Variants in AADACL2 observed in about 807,000 individuals in gnomAD.
AADACL2 encodes the protein arylacetamide deacetylase like 2.
In AADACL2, 23 loss-of-function variants were observed where a neutral mutation model predicts 22.3. That is an observed-to-expected ratio of 1.03 (90% CI 0.74 to 1.46). AADACL2 has a LOEUF of 1.46. AADACL2 is among the 40% of genes most tolerant of loss of function. AADACL2 has a pLI of 0.00. For synonymous variants in AADACL2, 177 were observed against 166.2 expected (o/e 1.07, Z -0.50); for missense variants, 472 against 482.9 (o/e 0.98, Z 0.21).
In AADACL2 at chr3:151,757,452, G is replaced by A. The variant is rs781199262; in HGVS notation, c.1064G>A (p.Arg355Gln). ...DDGLMYVTRL[R>Q]NVGVQVVHEH... ...GGACTTATGTATGTTACAAGACTTC[G>A]AAATGTTGGAGTCCAAGTTGTTCAT... The change falls in exon 5 of 5, where the codon CGA becomes CAA. Residue 355 changes from arginine (R) to glutamine (Q), a missense_variant. Coordinates refer to ENST00000356517, the MANE Select transcript of AADACL2 (RefSeq NM_207365.4). 34 of 1,613,470 alleles carry A rather than the reference G, an allele frequency of 2.1e-5. No individual in the cohort carries two copies. Among genetic ancestry groups the A allele is most frequent in the Non-Finnish European group, 2.6e-5 (31 of 1,179,654 alleles).
At position 151,740,694 on chromosome 3, in the gene AADACL2, T is replaced by G. The variant is rs1273957911; in HGVS notation, c.187T>G (p.Ser63Ala). The change falls in exon 2 of 5, where the codon TCC becomes GCC. Residue 63 changes from serine to alanine, a missense_variant. Coordinates refer to ENST00000356517, the MANE Select transcript of AADACL2 (RefSeq NM_207365.4). ...MRIMRYEEFI[S>A]MIFRLDYTQP... Reference sequence around the variant, plus strand: ...TATTATGAGATATGAAGAGTTTATATCCATGATATTCAGGCTGGATTATAC... The same window carrying G: ...TATTATGAGATATGAAGAGTTTATAGCCATGATATTCAGGCTGGATTATAC... The G allele has an allele frequency of 1.2e-6, 2 of 1,613,882 alleles. No homozygotes were observed. The highest frequency in any genetic ancestry group is 1.7e-6 in the Non-Finnish European group (2 of 1,179,838).
chr3:151,736,048 C>A (rs865988480), intron 1 of AADACL2, among the ~76,000 whole-genome samples: 2 of 151,166 alleles, frequency 1.3e-5, no homozygotes, highest in South Asian at 2.1e-4. Flanking sequence ...AGTTGAAAGC[C>A]AAAAAATTTG....
intron 1 of AADACL2, among the ~76,000 whole-genome samples, chr3:151,739,426 T>A (rs1207834840): frequency 3.3e-5 from 5 of 152,154 alleles, no homozygotes; most frequent in Non-Finnish European, 7.4e-5. Flanking sequence ...GTATGAGGTG[T>A]CTGTTGACCC....
At position 151,761,204 on chromosome 3, in the gene AADACL2, G is replaced by GATATAGATATAT. The variant is rs1714141356; in HGVS notation, c.*3615_*3616insGATATATATATA. 1 of 85,452 alleles carries GATATAGATATAT rather than the reference G, an allele frequency of 1.2e-5. No homozygotes were observed. The highest frequency in any genetic ancestry group is 4.0e-5 in the African/African-American group (1 of 24,906). 5.3% of individuals were successfully genotyped at this position (85,452 alleles called of 1,614,324 possible). On this transcript the variant is annotated 3_prime_UTR_variant, in exon 5 of 5. Transcript: ENST00000356517. ...ATATGGTGAGATATATACATATTGTGATATATATATATATATATATATATA... is the reference window on the plus strand; with the variant it reads ...ATATGGTGAGATATATACATATTGTGATATAGATATATATATATATATATATATATATATATA...
chr3:151,734,299 G>A, intron 1 of AADACL2, 126 bp downstream of exon 1: 1 of 1,085,462 alleles, frequency 9.2e-7, no homozygotes. Context: ...GCTTGTTTGA[G>A]TAAATTAATT....
At chr3:151,744,325 C>T (rs1713373810) in intron 3 of AADACL2, among the ~76,000 whole-genome samples, 163 bp downstream of exon 3, 1 of 152,072 alleles carries the variant, frequency 6.6e-6, no homozygotes, top group Non-Finnish European at 1.5e-5. Context: ...TTCAGTGTCC[C>T]ATTATTTTTC....
rs1713004600 is a variant in AADACL2 at position 151,733,938 on chromosome 3, G to C, written c.-98G>C. 2 of 1,277,560 alleles carry C rather than the reference G, an allele frequency of 1.6e-6. No homozygotes were observed. The highest frequency in any genetic ancestry group is 1.1e-6 in the Non-Finnish European group (1 of 941,800). The allele number at this position is 1,277,560 out of a possible 1,614,324, so 79.1% of individuals were successfully genotyped here. A position where few individuals can be genotyped will look rare whatever the true frequency, so the allele number is the denominator to read the frequency against. On this transcript the variant is annotated 5_prime_UTR_variant, in exon 1 of 5. Transcript: ENST00000356517. ...TTGTTAAGATGATCATATCACCTGA[G>C]AGAGTTCCCAAGTCTACAATTGCTC...
chr3:151,738,135 C>T (rs997294200), intron 1 of AADACL2, among the ~76,000 whole-genome samples: 15 of 151,668 alleles, frequency 9.9e-5, no homozygotes, highest in Non-Finnish European at 2.2e-4. Flanking sequence ...TGTTTCTTTC[C>T]ATATTTATTT....
intron 4 of AADACL2, among the ~76,000 whole-genome samples, chr3:151,753,820 G>C (rs1185454582): frequency 1.3e-5 from 2 of 152,148 alleles, no homozygotes; most frequent in Non-Finnish European, 2.9e-5. Context: ...CAGGGAGCTA[G>C]ATGGTAGGGT....
At position 151,759,418 on chromosome 3, in the gene AADACL2, T is replaced by C. The variant is rs1435714564; in HGVS notation, c.*1824T>C. ...GAAGCACATTTTGTTGATTGTCCTA[T>C]TGTCTGAACATTTTCACAGTGATTC... On this transcript the variant is annotated 3_prime_UTR_variant, in exon 5 of 5. Transcript: ENST00000356517. 9 of 152,182 alleles carry C rather than the reference T, an allele frequency of 5.9e-5. No homozygotes were observed. The allele number at this position is 152,182 out of a possible 1,614,324, so 9.4% of individuals were successfully genotyped here.
chr3:151,748,833 A>G (rs1441990866), intron 4 of AADACL2, among the ~76,000 whole-genome samples: 3 of 152,164 alleles, frequency 2.0e-5, no homozygotes, highest in Non-Finnish European at 4.4e-5. Flanking sequence ...CAGGCATTCT[A>G]TTGTAGTAGT....
Position 151,757,072 on chromosome 3 carries a change from T to C in AADACL2, c.684T>C (p.Tyr228=), listed in dbSNP as rs368531994. ...LYPGLQITDS[Y]LPSHRENEHG... ...CTGGCTTACAGATAACAGATTCTTA[T>C]TTGCCATCTCACCGAGAAAATGAGC... Residue 228 remains tyrosine, a synonymous_variant, in exon 5 of 5, where the codon TAT becomes TAC. Transcript: ENST00000356517. 2.5e-6 allele frequency: 4 copies of C among 1,613,114 alleles called. No individual in the cohort carries two copies. The highest frequency in any genetic ancestry group is 2.7e-5 in the African/African-American group (2 of 74,848).
rs530200931 is a variant in AADACL2 at position 151,743,581 on chromosome 3, G to T, written c.362-512G>T. 2.6e-5 allele frequency among the ~76,000 whole-genome samples: 4 copies of T among 152,202 alleles called. No homozygotes were observed. In the South Asian group the frequency reaches 8.3e-4, roughly 32 times the overall value. ...CTCTGTCTTAATGCCAATGTTATTG[G>T]ACTATTTTATTATGTGGCATCTTCA... On this transcript the variant is annotated intron_variant, in intron 2 of 4. Coordinates refer to ENST00000356517, the MANE Select transcript of AADACL2 (RefSeq NM_207365.4).
intron 4 of AADACL2, among the ~76,000 whole-genome samples, chr3:151,754,319 A>C (rs1225397922): frequency 6.6e-6 from 1 of 152,172 alleles, no homozygotes; most frequent in Non-Finnish European, 1.5e-5. Context: ...GTATAAACTT[A>C]GGAGACCAGT....
At chr3:151,742,945 G>C (rs1576612597) in intron 2 of AADACL2, among the ~76,000 whole-genome samples, 1 of 151,962 alleles carries the variant, frequency 6.6e-6, no homozygotes. Flanking sequence ...CCTCTTTTTG[G>C]TCTCTGGAGC....
At chr3:151,745,156 C>A (rs867838064) in intron 3 of AADACL2, among the ~76,000 whole-genome samples, 1 of 151,858 alleles carries the variant, frequency 6.6e-6, no homozygotes, top group African/African-American at 2.4e-5. Context: ...TTTAAACAAG[C>A]ATTTTTAAAA....
chr3:151,753,244 C>A (rs751827479), intron 4 of AADACL2, among the ~76,000 whole-genome samples: 10 of 152,106 alleles, frequency 6.6e-5, no homozygotes, highest in Non-Finnish European at 1.2e-4. Flanking sequence ...TTTACTTGCA[C>A]CTGGAAGTGG....
At chr3:151,734,612 C>A (rs755055226) in intron 1 of AADACL2, among the ~76,000 whole-genome samples, 3 of 152,034 alleles carry the variant, frequency 2.0e-5, no homozygotes, top group Non-Finnish European at 2.9e-5. Flanking sequence ...CTTTCATTGT[C>A]CATCTTCAAT....
intron 1 of AADACL2, among the ~76,000 whole-genome samples, chr3:151,736,302 C>CTT (rs10575713): frequency 1.4e-4 from 19 of 138,390 alleles, no homozygotes; most frequent in Admixed American, 2.1e-4. Flanking sequence ...AAGGATTTAT[C>CTT]TTTTTTTTTT....
Sources: allele counts gnomAD v4.1 joint callset (sites outside exome capture counted in the v4.1 genomes callset), GRCh38; gene constraint gnomAD v4.1.1; transcripts MANE v1.5; gene names NCBI Gene and HGNC (gene_info 2026-07-23, HGNC 2026-07-21).